The following SARS1 variants were observed in gnomAD, a reference collection of about 807,000 sequenced individuals.
The protein encoded by SARS1 is serine--tRNA ligase, cytoplasmic.
In SARS1, 25 loss-of-function variants were observed where a neutral mutation model predicts 63.7. That is an observed-to-expected ratio of 0.39 (90% CI 0.29 to 0.55). The LOEUF (loss-of-function observed/expected upper bound fraction) is 0.55. Ranked by LOEUF, SARS1 falls within the 20% of genes least tolerant of loss-of-function variation. The pLI is 0.62. For missense variants in SARS1, 417 were observed against 649.7 expected (o/e 0.64, Z 3.89); for synonymous variants, 231 against 243.5 (o/e 0.95, Z 0.48).
chr1:109,236,114 AC>A lies in SARS1; in HGVS notation c.1099+11del, dbSNP rs1448602074. The A allele has an allele frequency of 6.2e-7, 1 of 1,608,232 alleles. No homozygotes were observed. Among genetic ancestry groups the A allele is most frequent in the Non-Finnish European group, 8.5e-7 (1 of 1,177,722 alleles). On this transcript the variant is annotated intron_variant, in intron 8 of 10. Transcript: ENST00000234677. Reference sequence around the variant, plus strand: ...TTGTGAATATTGTCTCAGGTATGGGACCCAGCCTCTTCTCAGCCTCCCTTTC... The same window carrying A: ...TTGTGAATATTGTCTCAGGTATGGGACCAGCCTCTTCTCAGCCTCCCTTTC...
chr1:109,216,023 A>G lies in SARS1; in HGVS notation c.136+1895A>G, dbSNP rs368132874. The G allele has an allele frequency of 8.1e-6, 8 of 985,146 alleles. No homozygotes were observed. The South Asian group carries it at 3.8e-4, about 46-fold the overall frequency. 61.0% of individuals were successfully genotyped at this position (985,146 alleles called of 1,614,324 possible). ...CTGGCCAATAGTTTATTTCCAATGCATCTATTAATTTGATTCTTTTCTATT... is the reference window on the plus strand; with the variant it reads ...CTGGCCAATAGTTTATTTCCAATGCGTCTATTAATTTGATTCTTTTCTATT... On this transcript the variant is annotated intron_variant, in intron 1 of 10. Transcript: ENST00000234677.
chr1:109,221,954 A>AT (rs372600041), intron 1 of SARS1, among the ~76,000 whole-genome samples: 12 of 89,282 alleles, frequency 1.3e-4, no homozygotes, highest in Non-Finnish European at 1.6e-4. Context: ...TGCTCAGCTA[A>AT]TTTTTTTGTG....
At chr1:109,233,165 A>AT (rs11306493) in intron 6 of SARS1, among the ~76,000 whole-genome samples, 47 of 150,838 alleles carry the variant, frequency 3.1e-4, no homozygotes, top group African/African-American at 1.1e-3. Context: ...ATTTAATTTA[A>AT]TTTTTTTTTT....
At chr1:109,228,492 A>G in intron 3 of SARS1, 60 bp downstream of exon 3, 1 of 1,194,182 alleles carries the variant, frequency 8.4e-7, no homozygotes, top group South Asian at 1.2e-5. Context: ...TTTTATTCCT[A>G]GACAGCAAGT....
chr1:109,215,186 A>G (rs752663617), intron 1 of SARS1: 51 of 985,262 alleles, frequency 5.2e-5, no homozygotes, highest in Non-Finnish European at 6.0e-5. Flanking sequence ...TAGGCCCTCT[A>G]TTGTAGTAGT....
At chr1:109,236,265 G>A in intron 8 of SARS1, 126 bp from the exon 9 acceptor site, 1 of 1,297,156 alleles carries the variant, frequency 7.7e-7, no homozygotes, top group Non-Finnish European at 1.1e-6. Flanking sequence ...TTGGTGTTAA[G>A]AATATCTGGG....
intron 1 of SARS1, among the ~76,000 whole-genome samples, chr1:109,222,838 C>T (rs1654979406): frequency 6.6e-6 from 1 of 152,144 alleles, no homozygotes; most frequent in African/African-American, 2.4e-5. Context: ...AGCAAAACTC[C>T]ATCTCTACAA....
Position 109,223,996 on chromosome 1 carries a change from A to G in SARS1, c.155A>G (p.Asn52Ser), listed in dbSNP as rs775572688. The G allele has an allele frequency of 4.0e-5, 64 of 1,613,464 alleles. No homozygotes were observed. Among genetic ancestry groups the G allele is most frequent in the Admixed American group, 6.7e-5 (4 of 59,988 alleles). The change falls in exon 2 of 11, where the codon AAC (asparagine) becomes AGC (serine). Residue 52 changes from asparagine (N) to serine (S), a missense_variant. By Grantham distance (46) the Asn-to-Ser change is conservative. This residue lies in a region of SARS1 where 359 missense variants were observed against 529.6 expected (regional missense o/e 0.68). Coordinates refer to ENST00000234677, the MANE Select transcript of SARS1 (RefSeq NM_006513.4). ...TTCCTAGGTAGATTTCGGGCAGACAACTTGAACAAGCTGAAGAACCTATGC... is the reference window on the plus strand; with the variant it reads ...TTCCTAGGTAGATTTCGGGCAGACAGCTTGAACAAGCTGAAGAACCTATGC... Reference protein sequence around the residue: ...EWRRCRFRADNLNKLKNLCSK... With the variant: ...EWRRCRFRADSLNKLKNLCSK...
intron 2 of SARS1, among the ~76,000 whole-genome samples, chr1:109,226,660 AT>A (rs1284084943): frequency 1.3e-5 from 1 of 74,436 alleles, no homozygotes; most frequent in African/African-American, 4.8e-5. Flanking sequence ...TGCCTGGCTA[AT>A]TTAAAAAAAA....
chr1:109,216,901 G>A (rs758547425), intron 1 of SARS1: 112 of 983,994 alleles, frequency 1.1e-4, no homozygotes, highest in Non-Finnish European at 1.3e-4. Context: ...GGGATTACAG[G>A]CATGAGTCAC....
At chr1:109,229,658 T>C (rs551317854) in intron 4 of SARS1, 86 bp downstream of exon 4, 3 of 1,349,156 alleles carry the variant, frequency 2.2e-6, no homozygotes, top group East Asian at 4.7e-5. Flanking sequence ...TGTGGAACAC[T>C]GGCATTGTCT....
intron 6 of SARS1, 34 bp downstream of exon 6, chr1:109,231,820 CTTAAG>C (rs778319686): frequency 1.7e-5 from 25 of 1,450,994 alleles, no homozygotes; most frequent in Non-Finnish European, 2.1e-5. Context: ...AGAATGACTT[CTTAAG>C]TTATGTAGCT....
At chr1:109,228,459 G>T (rs1570759673) in intron 3 of SARS1, 27 bp downstream of exon 3, 1 of 1,482,736 alleles carries the variant, frequency 6.7e-7, no homozygotes, top group African/African-American at 1.4e-5. Flanking sequence ...TTCTAAGTTA[G>T]GATCTCTGCT....
intron 9 of SARS1, chr1:109,236,967 A>G (rs973719299): frequency 2.8e-5 from 41 of 1,463,634 alleles, no homozygotes; most frequent in Non-Finnish European, 3.4e-5. Flanking sequence ...AGGCCACAAT[A>G]GTAGTTTCTT....
At chr1:109,228,582 A>G in intron 3 of SARS1, 150 bp downstream of exon 3, 2 of 602,124 alleles carry the variant, frequency 3.3e-6, no homozygotes, top group Non-Finnish European at 5.8e-6. Context: ...TTCTTGTTAT[A>G]TTCTATATTT....
chr1:109,226,457 T>TCCTCCCACCTCAGC (rs1438650895), intron 2 of SARS1, among the ~76,000 whole-genome samples: 11 of 149,824 alleles, frequency 7.3e-5, no homozygotes, highest in Non-Finnish European at 1.3e-4. Context: ...GCTCAAGCAG[T>TCCTCCCACCTCAGC]CCTCCCACCT....
intron 1 of SARS1, among the ~76,000 whole-genome samples, chr1:109,218,052 G>T (rs921657808): frequency 6.6e-6 from 1 of 151,818 alleles, no homozygotes; most frequent in Non-Finnish European, 1.5e-5. Flanking sequence ...AATTAGCCGG[G>T]CATGGTGGGG....
chr1:109,235,497 A>G lies in SARS1; in HGVS notation c.969+66A>G. On this transcript the variant is annotated intron_variant, in intron 7 of 10. Coordinates refer to ENST00000234677, the MANE Select transcript of SARS1 (RefSeq NM_006513.4). The surrounding 1 kb of genome is among the most constrained non-coding windows in gnomAD (Gnocchi z 4.7). Reference sequence around the variant, plus strand: ...TCTCCAGAATGGTTAGATGAGAGATAGGATCTGTGTTGCTGAGGCCCATCC... The same window carrying G: ...TCTCCAGAATGGTTAGATGAGAGATGGGATCTGTGTTGCTGAGGCCCATCC... 7.6e-7 allele frequency: 1 copy of G among 1,316,158 alleles called. No homozygotes were observed. The highest frequency in any genetic ancestry group is 1.1e-6 in the Non-Finnish European group (1 of 937,798). The allele number at this position is 1,316,158 out of a possible 1,614,324, so 81.5% of individuals were successfully genotyped here.
intron 1 of SARS1, among the ~76,000 whole-genome samples, chr1:109,218,837 G>A (rs981328956): frequency 1.3e-5 from 2 of 151,884 alleles, no homozygotes; most frequent in Non-Finnish European, 2.9e-5. Flanking sequence ...ATCTCTTACA[G>A]CATTTATACT....
Sources: allele counts gnomAD v4.1 joint callset (sites outside exome capture counted in the v4.1 genomes callset), GRCh38; gene constraint gnomAD v4.1.1; regional missense constraint gnomAD v4.1.1; non-coding constraint Gnocchi (gnomAD v3.1); transcripts MANE v1.5; gene names NCBI Gene and HGNC (gene_info 2026-07-23, HGNC 2026-07-21).